Variants in PRKD1 observed in about 807,000 individuals in gnomAD.
PRKD1 encodes serine/threonine-protein kinase D1.
PRKD1 carries 63 observed loss-of-function variants against 95.9 expected under a neutral mutation model. That is an observed-to-expected ratio of 0.66 (90% CI 0.54 to 0.81). The LOEUF is 0.81. Among genes scored for constraint, PRKD1 ranks in the 30% least tolerant of loss-of-function variants. PRKD1 has a pLI of 0.00. For synonymous variants in PRKD1, 425 were observed against 423.1 expected, an observed-to-expected ratio of 1.00 and a Z score of -0.05; for missense variants, 1,048 against 1,165.3, an observed-to-expected ratio of 0.90 and a Z score of 1.47.
At chr14:29,871,692 T>G (rs1487811823) in intron 1 of PRKD1, among the ~76,000 whole-genome samples, 1 of 152,222 alleles carries the variant, frequency 6.6e-6, no homozygotes, top group African/African-American at 2.4e-5. Flanking sequence ...CATCACCATC[T>G]ACTTGAAAGA....
At chr14:29,700,965 C>G (rs776899851) in intron 2 of PRKD1, among the ~76,000 whole-genome samples, 3 of 47,104 alleles carry the variant, frequency 6.4e-5, no homozygotes, top group Non-Finnish European at 1.2e-4. Flanking sequence ...TTTGTGTGTA[C>G]GCGTGCGCAT....
chr14:29,678,815 G>A (rs745433974), intron 2 of PRKD1, among the ~76,000 whole-genome samples: 13 of 152,060 alleles, frequency 8.5e-5, no homozygotes, highest in South Asian at 2.1e-4. Context: ...TTAATAAACC[G>A]TGATTATTTG....
chr14:29,863,294 T>C lies in PRKD1; in HGVS notation c.264+63955A>G, dbSNP rs1297128707. The stretch of plus-strand genomic sequence containing the variant: ...TAATAAGGTAGGTACATATTATTAC[T>C]CATAGATTAAGGCAAAAACAAGATA... On this transcript the variant is annotated intron_variant, in intron 1 of 17. Transcript: ENST00000331968. 2.6e-5 allele frequency among the ~76,000 whole-genome samples: 4 copies of C among 152,272 alleles called. No individual in the cohort carries two copies. In the East Asian group the frequency reaches 5.8e-4, roughly 22 times the overall value.
chr14:29,801,609 C>T (rs2139219100), intron 1 of PRKD1, among the ~76,000 whole-genome samples: 1 of 151,910 alleles, frequency 6.6e-6, no homozygotes, highest in Non-Finnish European at 1.5e-5. Flanking sequence ...AGTATTAACA[C>T]TTAGGTTTTG....
intron 1 of PRKD1, among the ~76,000 whole-genome samples, chr14:29,880,524 A>G (rs1036774882): frequency 6.6e-6 from 1 of 152,224 alleles, no homozygotes; most frequent in African/African-American, 2.4e-5. Context: ...AGGGCAGTGC[A>G]GAAAGGAAAT....
intron 2 of PRKD1, among the ~76,000 whole-genome samples, chr14:29,723,476 GAA>G (rs1885995974): frequency 6.6e-6 from 1 of 152,136 alleles, no homozygotes; most frequent in Non-Finnish European, 1.5e-5. Context: ...AAGGCTAAGG[GAA>G]AAGAGATAAG....
intron 1 of PRKD1, among the ~76,000 whole-genome samples, chr14:29,908,565 G>A (rs7155032): frequency 0.017 from 2,664 of 152,236 alleles, 68 homozygotes; most frequent in African/African-American, 0.057. Context: ...GATTACAGGC[G>A]TGAGCCACCA....
At chr14:29,913,595 T>C (rs909893362) in intron 1 of PRKD1, among the ~76,000 whole-genome samples, 5 of 152,224 alleles carry the variant, frequency 3.3e-5, no homozygotes, top group Non-Finnish European at 4.4e-5. Flanking sequence ...TCTTCAAAAA[T>C]GTATGGAAGC....
chr14:29,640,591 A>G (rs1365688361), intron 4 of PRKD1, among the ~76,000 whole-genome samples: 5 of 152,236 alleles, frequency 3.3e-5, no homozygotes, highest in Non-Finnish European at 4.4e-5. Context: ...CCAAACCAGA[A>G]TCATGAATAT....
chr14:29,679,809 C>G (rs941760035), intron 2 of PRKD1, among the ~76,000 whole-genome samples: 3 of 151,422 alleles, frequency 2.0e-5, no homozygotes, highest in Non-Finnish European at 4.4e-5. Context: ...CTCACTGCAA[C>G]CTCTGCCTCT....
intron 13 of PRKD1, among the ~76,000 whole-genome samples, chr14:29,611,285 T>C (rs1330409315): frequency 1.3e-5 from 2 of 152,162 alleles, no homozygotes; most frequent in Non-Finnish European, 2.9e-5. Flanking sequence ...TTCTTCTTAA[T>C]TTTGCTGTGA....
chr14:29,893,535 G>GA (rs1164624697), intron 1 of PRKD1, among the ~76,000 whole-genome samples: 1 of 151,448 alleles, frequency 6.6e-6, no homozygotes, highest in Non-Finnish European at 1.5e-5. Context: ...ATTAAAGTCA[G>GA]AAAAAATAAG....
At chr14:29,800,522 C>T (rs1889983784) in intron 1 of PRKD1, among the ~76,000 whole-genome samples, 1 of 152,156 alleles carries the variant, frequency 6.6e-6, no homozygotes, top group Non-Finnish European at 1.5e-5. Flanking sequence ...CGACTGAAAT[C>T]CAAATTCCTA....
At chr14:29,612,272 T>C (rs532512739) in intron 13 of PRKD1, among the ~76,000 whole-genome samples, 5 of 152,156 alleles carry the variant, frequency 3.3e-5, no homozygotes, top group Non-Finnish European at 7.4e-5. Flanking sequence ...CTCAGAATTG[T>C]TAATAAGTAA....
chr14:29,794,864 T>A (rs2139202897), intron 1 of PRKD1, among the ~76,000 whole-genome samples: 1 of 152,216 alleles, frequency 6.6e-6, no homozygotes, highest in East Asian at 1.9e-4. Flanking sequence ...ATTGATAAAT[T>A]CTTCTAATTT....
chr14:29,638,119 G>A (rs181187511), intron 6 of PRKD1, among the ~76,000 whole-genome samples: 1 of 152,178 alleles, frequency 6.6e-6, no homozygotes, highest in Admixed American at 6.5e-5. Context: ...TATTAAAGAT[G>A]ATTGAAATGA....
At chr14:29,629,157 G>T in intron 10 of PRKD1, 64 bp from the exon 11 acceptor site, 1 of 1,332,104 alleles carries the variant, frequency 7.5e-7, no homozygotes, top group Non-Finnish European at 1.1e-6. Flanking sequence ...AGCAAAACAA[G>T]TAAGTACATG....
chr14:29,612,839 C>A (rs1019009288), intron 13 of PRKD1, among the ~76,000 whole-genome samples: 1 of 152,184 alleles, frequency 6.6e-6, no homozygotes, highest in South Asian at 2.1e-4. Flanking sequence ...TGGCTCACGC[C>A]TGTAAACCCA....
intron 1 of PRKD1, among the ~76,000 whole-genome samples, chr14:29,726,041 T>C (rs539090093): frequency 1.6e-4 from 24 of 152,280 alleles, no homozygotes; most frequent in African/African-American, 5.1e-4. Flanking sequence ...ACATAAAAAA[T>C]GGGAGTCGCT....
Sources: gnomAD v4.1 joint callset for allele counts (sites outside exome capture counted in the v4.1 genomes callset) on GRCh38, gnomAD v4.1.1 for gene constraint, MANE v1.5 for transcripts, NCBI Gene and HGNC (gene_info 2026-07-23, HGNC 2026-07-21) for gene names.